Variants in WFDC3 observed in about 807,000 individuals in gnomAD.
WFDC3 encodes WAP four-disulfide core domain protein 3.
WFDC3 carries 15 observed loss-of-function variants against 25.8 expected under a neutral mutation model. The observed-to-expected ratio is 0.58, with a 90% CI of 0.39 to 0.89. WFDC3 has a LOEUF of 0.89. Ranked by LOEUF, WFDC3 falls within the 40% of genes least tolerant of loss-of-function variation. The pLI is 0.00. For missense variants in WFDC3, 264 were observed against 289.8 expected (o/e 0.91, Z 0.65); for synonymous variants, 103 against 107.1 (o/e 0.96, Z 0.24).
intron 4 of WFDC3, among the ~76,000 whole-genome samples, chr20:45,787,282 C>CTTTTTTTTTTT (rs1158318114): frequency 1.4e-5 from 1 of 73,686 alleles, no homozygotes; most frequent in Non-Finnish European, 2.7e-5. Flanking sequence ...TTTCTTTTTT[C>CTTTTTTTTTTT]TTTTTTTTTT....
intron 4 of WFDC3, among the ~76,000 whole-genome samples, chr20:45,782,669 T>C (rs6065892): frequency 0.7 from 105,488 of 151,762 alleles, 36,890 homozygotes; most frequent in Admixed American, 0.76. Flanking sequence ...AGCCACTGCG[T>C]TCGGCCGCCT....
intron 4 of WFDC3, among the ~76,000 whole-genome samples, chr20:45,786,330 G>A (rs1016223793): frequency 5.3e-5 from 8 of 152,272 alleles, no homozygotes; most frequent in Middle Eastern, 3.4e-3. Context: ...GTAGGTGGAG[G>A]TTGTAGTGAA....
intron 4 of WFDC3, among the ~76,000 whole-genome samples, chr20:45,785,017 T>C (rs1291461953): frequency 6.6e-6 from 1 of 152,296 alleles, no homozygotes; most frequent in East Asian, 1.9e-4. Context: ...TGCACTCAGA[T>C]AAGAGAATGA....
At chr20:45,790,406 C>A (rs1296886627) in intron 1 of WFDC3, among the ~76,000 whole-genome samples, 1 of 152,150 alleles carries the variant, frequency 6.6e-6, no homozygotes, top group Non-Finnish European at 1.5e-5. Flanking sequence ...CATAACCAAG[C>A]ATAATAAAAT....
intron 4 of WFDC3, among the ~76,000 whole-genome samples, chr20:45,787,199 C>T (rs544376715): frequency 7.7e-5 from 11 of 142,416 alleles, no homozygotes; most frequent in Admixed American, 6.6e-4. Context: ...TCTGTCTCTG[C>T]AGATTCTCAG....
intron 4 of WFDC3, among the ~76,000 whole-genome samples, chr20:45,779,170 A>G (rs73306424): frequency 0.017 from 2,560 of 152,330 alleles, 73 homozygotes; most frequent in African/African-American, 0.058. Context: ...GCGCAGGCAC[A>G]CCCAAAGAAG....
At chr20:45,788,664 C>A in intron 3 of WFDC3, 1 of 350,832 alleles carries the variant, frequency 2.9e-6, no homozygotes, top group Non-Finnish European at 5.1e-6. Context: ...CTTCCCTTTA[C>A]AACTCTTCCC....
rs141266510 is a variant in WFDC3 at position 45,783,843 on chromosome 20, C to T, written c.358+3993G>A. 2.2e-3 allele frequency among the ~76,000 whole-genome samples: 333 copies of T among 152,284 alleles called. 1 individual carries two copies. The highest frequency in any genetic ancestry group is 3.5e-3 in the Admixed American group (54 of 15,298). ...TGTAGAGTTGGGTATAGCAACCAGT[C>T]CTGTTGGGTGAGTAGCCTAGCCCTC... On this transcript the variant is annotated intron_variant, in intron 4 of 6. Coordinates refer to ENST00000243938, the MANE Select transcript of WFDC3 (RefSeq NM_080614.2).
At chr20:45,782,094 G>A (rs1020493560) in intron 4 of WFDC3, among the ~76,000 whole-genome samples, 1 of 152,132 alleles carries the variant, frequency 6.6e-6, no homozygotes, top group Non-Finnish European at 1.5e-5. Flanking sequence ...CAGTGGGGAG[G>A]TGAGCCATGA....
intron 3 of WFDC3, 77 bp downstream of exon 3, chr20:45,788,854 G>A: frequency 6.6e-7 from 1 of 1,517,392 alleles, no homozygotes; most frequent in East Asian, 2.4e-5. Flanking sequence ...CTAGAAGGTG[G>A]GAAGCTCTCT....
rs562587610 is a variant in WFDC3, at chr20:45,788,078, T to C, written c.212-96A>G. On this transcript the variant is annotated intron_variant, in intron 3 of 6. Transcript: ENST00000243938. ...CAGCACTTTGGGAGGCCAAGGCGGG[T>C]GGATCACCTGAGGTAGGGAGTTCGA... The C allele has an allele frequency of 5.6e-4, 759 of 1,359,202 alleles. 7 individuals carry two copies. Among genetic ancestry groups the C allele is most frequent in the Non-Finnish European group, 2.2e-4 (224 of 1,019,948 alleles). The allele number at this position is 1,359,202 out of a possible 1,614,324, so 84.2% of individuals were successfully genotyped here.
chr20:45,783,090 G>T (rs2145686267), intron 4 of WFDC3, among the ~76,000 whole-genome samples: 1 of 152,054 alleles, frequency 6.6e-6, no homozygotes, highest in Middle Eastern at 3.4e-3. Flanking sequence ...CAAGCCCCAG[G>T]GTGGCAAGGA....
chr20:45,776,973 A>G, intron 5 of WFDC3, 102 bp downstream of exon 5: 1 of 1,587,202 alleles, frequency 6.3e-7, no homozygotes, highest in Non-Finnish European at 8.6e-7. Flanking sequence ...GGGGGACCAG[A>G]GGGACAGGAA....
At chr20:45,774,705 GC>G (rs1285788763) in intron 6 of WFDC3, among the ~76,000 whole-genome samples, 1 of 152,170 alleles carries the variant, frequency 6.6e-6, no homozygotes, top group Non-Finnish European at 1.5e-5. Flanking sequence ...ACTTTGGGAG[GC>G]CAAGGTGGGT....
At chr20:45,789,273 G>A (rs982926580) in intron 2 of WFDC3, among the ~76,000 whole-genome samples, 6 of 150,738 alleles carry the variant, frequency 4.0e-5, no homozygotes, top group Non-Finnish European at 7.4e-5. Flanking sequence ...TTGGGAGGCC[G>A]AGGCGGGCGG....
intron 2 of WFDC3, 146 bp from the exon 3 acceptor site, chr20:45,789,205 TAAAAAA>T (rs11478994): frequency 1.8e-5 from 14 of 784,460 alleles, no homozygotes; most frequent in Admixed American, 4.1e-5. Context: ...CCCTGTCTCT[TAAAAAA>T]AAAAAAAAAT....
chr20:45,789,620 G>C (rs921559693), intron 2 of WFDC3, among the ~76,000 whole-genome samples: 1 of 152,062 alleles, frequency 6.6e-6, no homozygotes, highest in African/African-American at 2.4e-5. Flanking sequence ...AGAAAGGGTG[G>C]GATGATCCTG....
chr20:45,776,278 C>CTG (rs3080047), intron 5 of WFDC3, among the ~76,000 whole-genome samples: 12,278 of 101,914 alleles, frequency 0.12, 910 homozygotes, highest in African/African-American at 0.23. Context: ...GCTTTTATCT[C>CTG]TGTGTGTGTG....
chr20:45,783,025 G>T (rs1409088802), intron 4 of WFDC3, among the ~76,000 whole-genome samples: 2 of 151,074 alleles, frequency 1.3e-5, no homozygotes, highest in African/African-American at 4.9e-5. Context: ...TCATCATCTT[G>T]GGGTTATTAT....
Sources: gnomAD v4.1 joint callset for allele counts (sites outside exome capture counted in the v4.1 genomes callset) on GRCh38, gnomAD v4.1.1 for gene constraint, MANE v1.5 for transcripts, NCBI Gene and HGNC (gene_info 2026-07-23, HGNC 2026-07-21) for gene names.